The following MFHAS1 variants were observed in gnomAD, a reference collection of about 807,000 sequenced individuals.
MFHAS1 encodes multifunctional ROCO family signaling regulator 1, also known as malignant fibrous histiocytoma-amplified sequence 1.
In MFHAS1, 50 loss-of-function variants were observed where a neutral mutation model predicts 70.4. The observed-to-expected ratio is 0.71, with a 90% CI of 0.57 to 0.90. The LOEUF (loss-of-function observed/expected upper bound fraction) is 0.90. MFHAS1 is among the 40% of genes least tolerant of loss of function. MFHAS1 has a pLI of 0.00. For synonymous variants in MFHAS1, 952 were observed against 620.0 expected, an observed-to-expected ratio of 1.54 and a Z score of -7.96; for missense variants, 1,795 against 1,347.6, an observed-to-expected ratio of 1.33 and a Z score of -5.20.
intron 1 of MFHAS1, among the ~76,000 whole-genome samples, chr8:8,810,366 G>GA (rs1180351710): frequency 6.6e-6 from 1 of 152,044 alleles, no homozygotes; most frequent in Non-Finnish European, 1.5e-5. Context: ...ACCGTCTTGG[G>GA]AAAAAACAAA....
intron 1 of MFHAS1, among the ~76,000 whole-genome samples, chr8:8,886,525 C>T (rs542666283): frequency 1.3e-5 from 2 of 152,156 alleles, no homozygotes; most frequent in South Asian, 2.1e-4. Context: ...TTATACTTCC[C>T]GTGGTCAACT....
intron 1 of MFHAS1, among the ~76,000 whole-genome samples, chr8:8,876,890 T>C (rs957559634): frequency 1.3e-5 from 2 of 151,304 alleles, no homozygotes; most frequent in Admixed American, 6.6e-5. Context: ...GCCAAGATCA[T>C]GCCACTGCAC....
At chr8:8,824,721 A>T (rs995861714) in intron 1 of MFHAS1, among the ~76,000 whole-genome samples, 2 of 152,270 alleles carry the variant, frequency 1.3e-5, no homozygotes, top group African/African-American at 4.8e-5. Context: ...AGATGGGTTT[A>T]GCGGTCAGAA....
intron 1 of MFHAS1, among the ~76,000 whole-genome samples, chr8:8,882,116 C>G (rs1247504506): frequency 1.3e-5 from 2 of 152,114 alleles, no homozygotes; most frequent in African/African-American, 4.8e-5. Flanking sequence ...CATGGTGGCT[C>G]ACACCTGTAA....
chr8:8,879,567 C>A (rs1263203911), intron 1 of MFHAS1, among the ~76,000 whole-genome samples: 1 of 152,196 alleles, frequency 6.6e-6, no homozygotes, highest in Non-Finnish European at 1.5e-5. Context: ...ACTCATACAT[C>A]TGAAGGAAAT....
chr8:8,890,773 C>T lies in MFHAS1; in HGVS notation c.2286G>A (p.Ala762=), dbSNP rs773823568. ...CCATGGGCGGGGAGCTTTCCCCCTC[C>T]GCCTTGCCCTCTCCACTGGTCCCTA... ...LLLGTSGEGK[A]EGESSPPMAR... is the part of the protein sequence containing the mutation. Residue 762 remains alanine, a synonymous_variant, in exon 1 of 3, where the codon GCG becomes GCA. Coordinates refer to ENST00000276282, the MANE Select transcript of MFHAS1 (RefSeq NM_004225.3). 8 of 1,613,846 alleles carry T rather than the reference C, an allele frequency of 5.0e-6. No homozygotes were observed. Among genetic ancestry groups the T allele is most frequent in the East Asian group, 2.2e-5 (1 of 44,900 alleles).
At chr8:8,791,089 G>C (rs1270185842) in intron 2 of MFHAS1, among the ~76,000 whole-genome samples, 1 of 149,652 alleles carries the variant, frequency 6.7e-6, no homozygotes, top group Non-Finnish European at 1.5e-5. Context: ...AAAGGAGAAA[G>C]CTTAGCTCAA....
intron 1 of MFHAS1, among the ~76,000 whole-genome samples, chr8:8,819,608 CAA>C (rs201326485): frequency 2.1e-4 from 19 of 91,228 alleles, no homozygotes; most frequent in Non-Finnish European, 1.8e-4. Context: ...CAACTCAAAA[CAA>C]AAAAAAAAAA....
chr8:8,851,885 C>G (rs1808260144), intron 1 of MFHAS1, among the ~76,000 whole-genome samples: 1 of 152,204 alleles, frequency 6.6e-6, no homozygotes. Flanking sequence ...TCACAGTGTT[C>G]TCCATTCTCT....
intron 1 of MFHAS1, among the ~76,000 whole-genome samples, chr8:8,829,862 T>C (rs1040865414): frequency 6.6e-6 from 1 of 152,156 alleles, no homozygotes; most frequent in South Asian, 2.1e-4. Context: ...ATGGAACAGA[T>C]TGCCTCACGT....
rs1361602928 is a variant in MFHAS1 at position 8,824,533 on chromosome 8, A to T, written c.2999-27042T>A. On this transcript the variant is annotated intron_variant, in intron 1 of 2. Transcript: ENST00000276282. ...CTTTCTCTCTCTTTCACACACACACACACACACACACACACACACACACAC... is the reference window on the plus strand; with the variant it reads ...CTTTCTCTCTCTTTCACACACACACTCACACACACACACACACACACACAC... Among the ~76,000 whole-genome samples, 154 of 44,116 alleles carry T rather than the reference A, an allele frequency of 3.5e-3. 3 individuals carry two copies. The highest frequency in any genetic ancestry group is 7.5e-3 in the African/African-American group (137 of 18,348). The allele number at this position is 44,116 out of a possible 152,430, so 28.9% of individuals were successfully genotyped here. A position where few individuals can be genotyped will look rare whatever the true frequency, so the allele number is the denominator to read the frequency against.
Position 8,786,051 on chromosome 8 carries a change from T to G in MFHAS1, c.3130A>C (p.Asn1044His). ...PTVISPCSKK[N>H]VGEKHRNQ ...TGGTTTCTGTGCTTTTCACCAACAT[T>G]CTTCCTGTATGGGTGGACAACAAGA... Residue 1044 changes from asparagine (N) to histidine (H), a missense_variant, in exon 3 of 3, where the codon AAT (asparagine) becomes CAT (histidine). Physicochemically the swap from Asn to His is moderately conservative, Grantham distance 68. Coordinates refer to ENST00000276282, the MANE Select transcript of MFHAS1 (RefSeq NM_004225.3). 1 of 1,614,028 alleles carries G rather than the reference T, an allele frequency of 6.2e-7. No homozygotes were observed. The highest frequency in any genetic ancestry group is 1.3e-5 in the African/African-American group (1 of 74,992).
intron 1 of MFHAS1, among the ~76,000 whole-genome samples, chr8:8,843,676 A>C (rs1235151099): frequency 6.6e-6 from 1 of 152,198 alleles, no homozygotes; most frequent in Non-Finnish European, 1.5e-5. Flanking sequence ...AAAGGTGAGC[A>C]GGTCCGGTGT....
At chr8:8,854,072 T>C (rs1808342379) in intron 1 of MFHAS1, among the ~76,000 whole-genome samples, 1 of 152,190 alleles carries the variant, frequency 6.6e-6, no homozygotes, top group South Asian at 2.1e-4. Context: ...TTGTAAGTCA[T>C]GGGCATTGTA....
intron 1 of MFHAS1, among the ~76,000 whole-genome samples, chr8:8,885,203 A>G (rs1809707816): frequency 6.6e-6 from 1 of 152,240 alleles, no homozygotes; most frequent in Non-Finnish European, 1.5e-5. Flanking sequence ...GGCATGAGAT[A>G]CAAAAAGGCA....
At chr8:8,796,500 G>T (rs1805899721) in intron 2 of MFHAS1, among the ~76,000 whole-genome samples, 2 of 151,052 alleles carry the variant, frequency 1.3e-5, no homozygotes, top group African/African-American at 4.9e-5. Flanking sequence ...TGGCTAACAG[G>T]GTGAAACCCC....
At chr8:8,887,827 T>C (rs1206725250) in intron 1 of MFHAS1, among the ~76,000 whole-genome samples, 1 of 65,804 alleles carries the variant, frequency 1.5e-5, no homozygotes, top group Non-Finnish European at 3.4e-5. Context: ...TGGTAAAAAT[T>C]AAACATAAAG....
chr8:8,817,980 C>T (rs1052398678), intron 1 of MFHAS1, among the ~76,000 whole-genome samples: 5 of 152,274 alleles, frequency 3.3e-5, no homozygotes, highest in African/African-American at 9.6e-5. Flanking sequence ...GTCTGTGGCC[C>T]GGGGACTGAG....
chr8:8,867,732 T>A (rs1348383013), intron 1 of MFHAS1, among the ~76,000 whole-genome samples: 4 of 152,086 alleles, frequency 2.6e-5, no homozygotes, highest in Admixed American at 6.6e-5. Context: ...TAATTTTTTG[T>A]ATTTTTACTA....
Sources: gnomAD v4.1 joint callset for allele counts (sites outside exome capture counted in the v4.1 genomes callset) on GRCh38, gnomAD v4.1.1 for gene constraint, MANE v1.5 for transcripts, NCBI Gene and HGNC (gene_info 2026-07-23, HGNC 2026-07-21) for gene names.